The following IGF2BP1 variants were observed in gnomAD, a reference collection of about 807,000 sequenced individuals.
The protein encoded by IGF2BP1 is insulin like growth factor 2 mRNA binding protein 1, also known as insulin-like growth factor 2 mRNA-binding protein 1.
Under a neutral mutation model 74.9 loss-of-function variants are expected in IGF2BP1, and 11 were observed. That is an observed-to-expected ratio of 0.15 (90% CI 0.09 to 0.24). The LOEUF is 0.24. Among genes scored for constraint, IGF2BP1 ranks in the 10% least tolerant of loss-of-function variants. IGF2BP1 has a pLI of 1.00. For missense variants in IGF2BP1, 440 were observed against 757.4 expected (o/e 0.58, Z 4.92); for synonymous variants, 287 against 281.8 (o/e 1.02, Z -0.18).
chr17:49,035,399 G>GT (rs889781504), intron 5 of IGF2BP1, among the ~76,000 whole-genome samples: 4 of 152,228 alleles, frequency 2.6e-5, no homozygotes, highest in Non-Finnish European at 5.9e-5. Flanking sequence ...AGACTAGGTT[G>GT]TAAGTTTCCT....
intron 2 of IGF2BP1, chr17:49,014,711 G>A: frequency 1.4e-5 from 13 of 936,412 alleles, no homozygotes; most frequent in Non-Finnish European, 1.5e-5. Flanking sequence ...ACTGCGCAGC[G>A]GCCGCCACTT....
At chr17:49,008,608 G>A (rs2041579338) in intron 2 of IGF2BP1, among the ~76,000 whole-genome samples, 1 of 152,112 alleles carries the variant, frequency 6.6e-6, no homozygotes, top group Non-Finnish European at 1.5e-5. Flanking sequence ...TGAATGAGTA[G>A]TTTCTTTTAA....
intron 14 of IGF2BP1, among the ~76,000 whole-genome samples, chr17:49,046,838 G>T (rs2042113331): frequency 6.6e-6 from 1 of 151,908 alleles, no homozygotes; most frequent in Non-Finnish European, 1.5e-5. Context: ...TCTCTCCCTG[G>T]TTTCTGCTCT....
In IGF2BP1 at chr17:49,054,843, A is replaced by G. The variant is rs1423781487; in HGVS notation, c.*5399A>G. The G allele has an allele frequency of 6.6e-6, 1 of 152,268 alleles. No individual in the cohort carries two copies. The highest frequency in any genetic ancestry group is 1.5e-5 in the Non-Finnish European group (1 of 68,060). 9.4% of individuals were successfully genotyped at this position (152,268 alleles called of 1,614,324 possible). On this transcript the variant is annotated 3_prime_UTR_variant, in exon 15 of 15. Transcript: ENST00000290341. Reference sequence around the variant, plus strand: ...TGGGGGCCCAGTTGGCTCTAGAAGGAGAAGAGGTGAAGCAGGATCCTTTGC... The same window carrying G: ...TGGGGGCCCAGTTGGCTCTAGAAGGGGAAGAGGTGAAGCAGGATCCTTTGC...
At chr17:48,999,263 A>C in intron 2 of IGF2BP1, 94 bp downstream of exon 2, 1 of 770,288 alleles carries the variant, frequency 1.3e-6, no homozygotes, top group Non-Finnish European at 2.2e-6. Context: ...AGTGGAAGAA[A>C]CCCATTACTG....
intron 4 of IGF2BP1, among the ~76,000 whole-genome samples, chr17:49,029,626 GTATT>G (rs1035593003): frequency 1.5e-4 from 23 of 151,922 alleles, no homozygotes; most frequent in African/African-American, 1.2e-4. Flanking sequence ...TTAACTTTAT[GTATT>G]TATTTATTTA....
At chr17:49,016,083 C>T (rs2041697844) in intron 2 of IGF2BP1, among the ~76,000 whole-genome samples, 1 of 152,234 alleles carries the variant, frequency 6.6e-6, no homozygotes, top group Non-Finnish European at 1.5e-5. Flanking sequence ...AGTTGGCACG[C>T]ACTTAACCAT....
intron 2 of IGF2BP1, chr17:49,014,762 T>G (rs2041672201): frequency 3.0e-6 from 3 of 985,218 alleles, no homozygotes; most frequent in African/African-American, 1.7e-5. Context: ...CCCAGATGTT[T>G]GCCCATCGTC....
At chr17:49,035,584 CAT>C (rs986096938) in intron 5 of IGF2BP1, among the ~76,000 whole-genome samples, 5 of 152,172 alleles carry the variant, frequency 3.3e-5, no homozygotes, top group Admixed American at 6.5e-5. Context: ...TCCCCACACA[CAT>C]GTGGGGCCCC....
At chr17:49,043,611 G>C in intron 10 of IGF2BP1, 61 bp downstream of exon 10, 2 of 1,578,716 alleles carry the variant, frequency 1.3e-6, no homozygotes, top group Non-Finnish European at 1.7e-6. Context: ...CCTTAAGGGG[G>C]ACTCAGCATG....
chr17:49,036,079 CG>C (rs2041983978), intron 5 of IGF2BP1, among the ~76,000 whole-genome samples: 1 of 134,518 alleles, frequency 7.4e-6, no homozygotes, highest in African/African-American at 2.8e-5. Flanking sequence ...CCAACTGGTG[CG>C]GGGTTGACTG....
At chr17:49,037,260 AC>A (rs2042001001) in intron 5 of IGF2BP1, 1 of 445,078 alleles carries the variant, frequency 2.2e-6, no homozygotes, top group African/African-American at 2.1e-5. Flanking sequence ...TGGAACCCTT[AC>A]GGTAGGAAAA....
chr17:49,019,792 G>A (rs910076025), intron 2 of IGF2BP1, among the ~76,000 whole-genome samples: 4 of 150,022 alleles, frequency 2.7e-5, no homozygotes, highest in African/African-American at 7.4e-5. Context: ...CACCCAGGCC[G>A]GAGTGCAATG....
At chr17:49,018,051 C>T (rs2041730693) in intron 2 of IGF2BP1, 1 of 152,302 alleles carries the variant, frequency 6.6e-6, no homozygotes, top group Non-Finnish European at 1.5e-5. Context: ...GTGTGAGCCA[C>T]CACACCTGGC....
rs1555597748 is a variant in IGF2BP1 at position 49,019,923 on chromosome 17, T to TATAC, written c.237-5692_237-5691insCATA. ...GCTAATTTATATATATATATATATATATATATATATATATATATATATATA... is the reference window on the plus strand; with the variant it reads ...GCTAATTTATATATATATATATATATATACATATATATATATATATATATATATA... On this transcript the variant is annotated intron_variant, in intron 2 of 14. Transcript: ENST00000290341. Among the ~76,000 whole-genome samples the TATAC allele has an allele frequency of 1.7e-3, 101 of 57,998 alleles. 3 individuals are homozygous for TATAC. Among genetic ancestry groups the TATAC allele is most frequent in the African/African-American group, 9.3e-3 (94 of 10,084 alleles). 38.0% of individuals were successfully genotyped at this position (57,998 alleles called of 152,430 possible).
At chr17:49,043,328 C>T (rs959859963) in intron 9 of IGF2BP1, 100 bp from the exon 10 acceptor site, 2 of 1,372,278 alleles carry the variant, frequency 1.5e-6, no homozygotes, top group Non-Finnish European at 2.0e-6. Context: ...ATGTTTTTGG[C>T]CCACTTGCCT....
rs747039976 is a variant in IGF2BP1, at chr17:49,041,385, G to A, written c.826G>A (p.Glu276Lys). 4 of 1,613,908 alleles carry A rather than the reference G, an allele frequency of 2.5e-6. No individual in the cohort carries two copies. Among genetic ancestry groups the A allele is most frequent in the East Asian group, 4.5e-5 (2 of 44,892 alleles). ...TTCCTTTGTCTTCCCAAGGGCTGAC[G>A]AGGTTCCCCTGAAGATCCTGGCCCA... is the stretch of plus-strand genomic sequence containing the variant. ...KEAKDTKTAD[E>K]VPLKILAHNN... is the part of the protein sequence containing the mutation. The change falls in exon 8 of 15, where the codon GAG (glutamate) becomes AAG (lysine). Residue 276 changes from glutamate to lysine, a missense_variant. Glu to Lys is a moderately conservative substitution (Grantham distance 56, BLOSUM62 1). Coordinates refer to ENST00000290341, the MANE Select transcript of IGF2BP1 (RefSeq NM_006546.4).
Position 49,045,995 on chromosome 17 carries a change from C to T in IGF2BP1, c.1501C>T (p.Arg501Trp), listed in dbSNP as rs781338712. The change falls in exon 13 of 15, where the codon CGG becomes TGG. Residue 501 changes from arginine to tryptophan, a missense_variant. Physicochemically the swap from Arg to Trp is moderately radical, Grantham distance 101. Coordinates refer to ENST00000290341, the MANE Select transcript of IGF2BP1 (RefSeq NM_006546.4). ...HIRVPASAAG[R>W]VIGKGGKTVN... ...ACGTGTGCCAGCATCAGCAGCTGGC[C>T]GGGTCATTGGCAAAGGTGGAAAAAC... 15 of 1,613,956 alleles carry T rather than the reference C, an allele frequency of 9.3e-6. No individual in the cohort carries two copies. Among genetic ancestry groups the T allele is most frequent in the East Asian group, 4.5e-5 (2 of 44,884 alleles).
At chr17:49,036,152 T>TA (rs1290858587) in intron 5 of IGF2BP1, among the ~76,000 whole-genome samples, 1 of 152,190 alleles carries the variant, frequency 6.6e-6, no homozygotes, top group Admixed American at 6.5e-5. Flanking sequence ...TAGCAGGTAG[T>TA]AAAATGGCTG....
Sources: gnomAD v4.1 joint callset for allele counts (sites outside exome capture counted in the v4.1 genomes callset) on GRCh38, gnomAD v4.1.1 for gene constraint, MANE v1.5 for transcripts, NCBI Gene and HGNC (gene_info 2026-07-23, HGNC 2026-07-21) for gene names.